The following NBAS variants were observed in gnomAD, a reference collection of about 807,000 sequenced individuals.
NBAS encodes NBAS subunit of NRZ tethering complex.
Under a neutral mutation model 302.5 loss-of-function variants are expected in NBAS, and 219 were observed. That is an observed-to-expected ratio of 0.72 (90% confidence interval 0.65 to 0.81). The LOEUF (loss-of-function observed/expected upper bound fraction) is 0.81, where lower values mean the gene tolerates loss of function less well. Among genes scored for constraint, NBAS ranks in the 30% least tolerant of loss-of-function variants. NBAS has a pLI of 0.00. For missense variants in NBAS, 2,932 were observed against 2,841.6 expected (o/e 1.03, Z -0.72); for synonymous variants, 1,118 against 1,021.6 (o/e 1.09, Z -1.80).
the NBAS span, among the ~76,000 whole-genome samples, chr2:14,790,984 T>A: frequency 1.2e-3 from 188 of 152,290 alleles, no homozygotes; most frequent in Admixed American, 2.0e-3. Context: ...GCCTCCTGAG[T>A]AGCTGGGATT....
chr2:15,043,145 G>T, the NBAS span, among the ~76,000 whole-genome samples: 1 of 152,156 alleles, frequency 6.6e-6, no homozygotes, highest in Non-Finnish European at 1.5e-5. Flanking sequence ...CTTAGTCACT[G>T]GGTCATCTCT....
intron 21 of NBAS, among the ~76,000 whole-genome samples, chr2:15,439,986 G>C (rs528139970): frequency 6.6e-6 from 1 of 152,368 alleles, no homozygotes; most frequent in East Asian, 1.9e-4. Context: ...ACTTGCTTAG[G>C]TAAACAAAGC....
chr2:15,497,679 C>G (rs1230956298), intron 11 of NBAS, among the ~76,000 whole-genome samples: 1 of 152,136 alleles, frequency 6.6e-6, no homozygotes, highest in African/African-American at 2.4e-5. Context: ...CAGAGGAGAA[C>G]TGGGCTACAG....
At chr2:14,898,010 T>C in the NBAS span, among the ~76,000 whole-genome samples, 15 of 152,248 alleles carry the variant, frequency 9.9e-5, no homozygotes, top group South Asian at 4.1e-4. Flanking sequence ...TTGTTCAAAA[T>C]AGTAGGAGTT....
intron 27 of NBAS, among the ~76,000 whole-genome samples, chr2:15,394,622 T>G (rs1450023673): frequency 6.6e-6 from 1 of 152,108 alleles, no homozygotes; most frequent in Non-Finnish European, 1.5e-5. Context: ...CTCAAAAATC[T>G]TTTTGCTACA....
At chr2:15,348,783 T>C (rs1426092283) in intron 35 of NBAS, among the ~76,000 whole-genome samples, 1 of 151,994 alleles carries the variant, frequency 6.6e-6, no homozygotes, top group Admixed American at 6.6e-5. Context: ...AACTGAGCTT[T>C]ATGAAAAGTT....
chr2:15,372,233 A>G (rs892624637), intron 31 of NBAS, among the ~76,000 whole-genome samples: 3 of 152,210 alleles, frequency 2.0e-5, no homozygotes, highest in Non-Finnish European at 2.9e-5. Context: ...AAATTTACAT[A>G]AACACCCAAA....
intron 21 of NBAS, among the ~76,000 whole-genome samples, chr2:15,451,950 T>A (rs1361842216): frequency 6.6e-6 from 1 of 151,900 alleles, no homozygotes; most frequent in Non-Finnish European, 1.5e-5. Flanking sequence ...TATTTAATCT[T>A]AATATTAATT....
intron 19 of NBAS, among the ~76,000 whole-genome samples, chr2:15,463,156 C>T (rs1679576997): frequency 6.6e-6 from 1 of 152,048 alleles, no homozygotes; most frequent in South Asian, 2.1e-4. Flanking sequence ...TATCTGTAGT[C>T]CCAACTACTT....
the NBAS span, among the ~76,000 whole-genome samples, chr2:14,924,194 G>A: frequency 3.9e-5 from 6 of 152,280 alleles, no homozygotes; most frequent in South Asian, 2.1e-4. Context: ...TAAGAACAAC[G>A]CAAATCAAGT....
At chr2:15,494,268 G>C (rs1395788954) in intron 11 of NBAS, among the ~76,000 whole-genome samples, 1 of 152,202 alleles carries the variant, frequency 6.6e-6, no homozygotes, top group African/African-American at 2.4e-5. Flanking sequence ...TCTGCCACTA[G>C]TAGTTATGTG....
chr2:14,903,052 C>G, the NBAS span, among the ~76,000 whole-genome samples: 28 of 151,444 alleles, frequency 1.8e-4, no homozygotes, highest in Admixed American at 1.8e-3. Flanking sequence ...TGGCAAGAAG[C>G]TTTGATGAAT....
At chr2:15,509,851 T>G (rs1662055291) in intron 10 of NBAS, among the ~76,000 whole-genome samples, 2 of 97,340 alleles carry the variant, frequency 2.1e-5, no homozygotes, top group African/African-American at 8.1e-5. Context: ...GGCCAAGTGC[T>G]CACTTCCTTT....
chr2:15,467,265 A>G, intron 19 of NBAS, 64 bp downstream of exon 19: 3 of 1,145,002 alleles, frequency 2.6e-6, no homozygotes, highest in Non-Finnish European at 4.0e-6. Context: ...ATATTAGGGC[A>G]GCCATAGCAT....
chr2:15,394,120 G>T, intron 28 of NBAS, 107 bp downstream of exon 28: 1 of 1,172,748 alleles, frequency 8.5e-7, no homozygotes, highest in Non-Finnish European at 1.2e-6. Flanking sequence ...TTAAATATGT[G>T]CAGTTTATTA....
At chr2:15,546,251 G>C (rs908034205) in intron 6 of NBAS, among the ~76,000 whole-genome samples, 5 of 151,788 alleles carry the variant, frequency 3.3e-5, no homozygotes, top group African/African-American at 1.2e-4. Flanking sequence ...ATCTCTTGGT[G>C]GTGAGCTTAT....
At chr2:15,064,524 A>G in the NBAS span, among the ~76,000 whole-genome samples, 1 of 152,134 alleles carries the variant, frequency 6.6e-6, no homozygotes. Context: ...AAAATAAAGA[A>G]ACAGAAAAAT....
intron 21 of NBAS, among the ~76,000 whole-genome samples, chr2:15,456,819 T>C (rs1265869508): frequency 6.6e-6 from 1 of 151,406 alleles, no homozygotes; most frequent in Non-Finnish European, 1.5e-5. Context: ...AAAATGAGAG[T>C]AGAATTTTAA....
Position 15,275,486 on chromosome 2 carries a change from T to C in NBAS, c.5722A>G (p.Lys1908Glu), listed in dbSNP as rs1355628121. ...AVTFSPKAVT[K>E]LSVEARKEMT... ...CTTTAAAATATCTTTTTGTTTACCT[T>C]GGTCACAGCTTTTGGAGAAAATGTA... The change falls in exon 44 of 52, where the codon AAG (lysine) becomes GAG (glutamate). Residue 1908 changes from lysine to glutamate, a missense_variant and splice_region_variant. Lys to Glu is a moderately conservative substitution (Grantham distance 56). Coordinates refer to ENST00000281513, the MANE Select transcript of NBAS (RefSeq NM_015909.4). The C allele has an allele frequency of 1.2e-6, 2 of 1,613,912 alleles. No individual in the cohort carries two copies. The highest frequency in any genetic ancestry group is 1.3e-5 in the African/African-American group (1 of 74,954).
Sources: allele counts gnomAD v4.1 joint callset (sites outside exome capture counted in the v4.1 genomes callset), GRCh38; gene constraint gnomAD v4.1.1; transcripts MANE v1.5; gene names NCBI Gene and HGNC (gene_info 2026-07-23, HGNC 2026-07-21).